The following SPMAP2L variants were observed in gnomAD, a reference collection of about 807,000 sequenced individuals.
The protein encoded by SPMAP2L is sperm microtubule associated protein 2 like.
the SPMAP2L span, among the ~76,000 whole-genome samples, chr4:56,610,883 A>T: frequency 6.6e-6 from 1 of 152,218 alleles, no homozygotes; most frequent in African/African-American, 2.4e-5. Context: ...TGCAAATCAA[A>T]ACCACAATGC....
the SPMAP2L span, among the ~76,000 whole-genome samples, chr4:56,620,206 G>A: frequency 1.3e-5 from 2 of 152,208 alleles, no homozygotes; most frequent in Non-Finnish European, 2.9e-5. Flanking sequence ...AATCAGACTG[G>A]GGCTTGCACA....
At chr4:56,621,150 T>TA in the SPMAP2L span, among the ~76,000 whole-genome samples, 1 of 152,168 alleles carries the variant, frequency 6.6e-6, no homozygotes, top group Non-Finnish European at 1.5e-5. Context: ...TAAGGCAAAT[T>TA]ATTACTGTAC....
At chr4:56,604,346 A>G in the SPMAP2L span, among the ~76,000 whole-genome samples, 1 of 152,224 alleles carries the variant, frequency 6.6e-6, no homozygotes, top group African/African-American at 2.4e-5. Flanking sequence ...TATATATTTG[A>G]AACAAAAATT....
the SPMAP2L span, among the ~76,000 whole-genome samples, chr4:56,561,811 A>G: frequency 2.0e-5 from 3 of 152,004 alleles, no homozygotes; most frequent in African/African-American, 7.3e-5. Flanking sequence ...TGCAACCTCC[A>G]CCTCCGGGTT....
chr4:56,544,526 TA>T, the SPMAP2L span, among the ~76,000 whole-genome samples: 1 of 151,904 alleles, frequency 6.6e-6, no homozygotes, highest in African/African-American at 2.4e-5. Context: ...CGAAAAAACG[TA>T]AAAAAAATAG....
At chr4:56,556,810 A>C in the SPMAP2L span, among the ~76,000 whole-genome samples, 1,171 of 151,942 alleles carry the variant, frequency 7.7e-3, 2 homozygotes, top group Non-Finnish European at 0.013. Flanking sequence ...GGGAGGTGGC[A>C]GTTGCAGTGA....
chr4:56,585,793 T>C, the SPMAP2L span, among the ~76,000 whole-genome samples: 1 of 152,208 alleles, frequency 6.6e-6, no homozygotes, highest in East Asian at 1.9e-4. Flanking sequence ...CCTTGCTTTC[T>C]GTTTTGCCAC....
the SPMAP2L span, among the ~76,000 whole-genome samples, chr4:56,588,299 G>C: frequency 6.6e-6 from 1 of 152,302 alleles, no homozygotes; most frequent in Non-Finnish European, 1.5e-5. Flanking sequence ...CTTTTGCTGT[G>C]CAAAAGCTCT....
At chr4:56,543,929 TGA>T in the SPMAP2L span, among the ~76,000 whole-genome samples, 1,163 of 131,262 alleles carry the variant, frequency 8.9e-3, 18 homozygotes, top group African/African-American at 0.029. Context: ...TGTGTGTATG[TGA>T]GAGAGAGAGA....
At chr4:56,608,167 CAGG>C in the SPMAP2L span, among the ~76,000 whole-genome samples, 4 of 152,050 alleles carry the variant, frequency 2.6e-5, no homozygotes, top group Admixed American at 6.5e-5. Flanking sequence ...ATGATATTTG[CAGG>C]AGAAGTCTCT....
At chr4:56,606,100 C>G in the SPMAP2L span, among the ~76,000 whole-genome samples, 669 of 152,262 alleles carry the variant, frequency 4.4e-3, 6 homozygotes, top group African/African-American at 0.015. Context: ...CTTTGGCCGC[C>G]GGCTTAATAA....
the SPMAP2L span, among the ~76,000 whole-genome samples, chr4:56,580,472 C>T: frequency 6.6e-6 from 1 of 151,942 alleles, no homozygotes; most frequent in African/African-American, 2.4e-5. Context: ...AAGGAAACTT[C>T]CTCAACTTGG....
chr4:56,566,460 A>G, the SPMAP2L span, among the ~76,000 whole-genome samples: 45,582 of 151,706 alleles, frequency 0.3, 9,820 homozygotes, highest in African/African-American at 0.61. Flanking sequence ...GCCTCCCAAA[A>G]TGCTGGGATT....
chr4:56,562,044 G>C, the SPMAP2L span, among the ~76,000 whole-genome samples: 1 of 152,118 alleles, frequency 6.6e-6, no homozygotes, highest in Admixed American at 6.6e-5. Flanking sequence ...ATTTCATCAT[G>C]AGCTTTGGTG....
chr4:56,610,844 A>G, the SPMAP2L span, among the ~76,000 whole-genome samples: 5 of 152,242 alleles, frequency 3.3e-5, no homozygotes, highest in African/African-American at 9.6e-5. Context: ...TATGAAAAAA[A>G]TGCTCGACAT....
At chr4:56,605,037 A>G in the SPMAP2L span, among the ~76,000 whole-genome samples, 1 of 152,230 alleles carries the variant, frequency 6.6e-6, no homozygotes. Context: ...ATAAAAGATT[A>G]CATAATGGGT....
chr4:56,579,463 T>C, the SPMAP2L span, among the ~76,000 whole-genome samples: 4 of 143,498 alleles, frequency 2.8e-5, no homozygotes, highest in Non-Finnish European at 5.9e-5. Flanking sequence ...TTTATAGCTG[T>C]AAATGCCTAT....
the SPMAP2L span, chr4:56,575,749 T>C: frequency 9.3e-7 from 1 of 1,076,076 alleles, no homozygotes; most frequent in Non-Finnish European, 1.3e-6. Flanking sequence ...AAGAGTCCAC[T>C]TGTGTTCCAA....
chr4:56,566,660 A>C, the SPMAP2L span, among the ~76,000 whole-genome samples: 1 of 146,692 alleles, frequency 6.8e-6, no homozygotes, highest in East Asian at 2.0e-4. Flanking sequence ...ATACTACTTA[A>C]TGTATGATGT....
Sources: allele counts gnomAD v4.1 joint callset (sites outside exome capture counted in the v4.1 genomes callset), GRCh38; gene constraint gnomAD v4.1.1; transcripts MANE v1.5; gene names NCBI Gene and HGNC (gene_info 2026-07-23, HGNC 2026-07-21).